Variants in PRADC1 observed in about 807,000 individuals in gnomAD.
The protein encoded by PRADC1 is protease associated domain containing 1, also known as protease-associated domain-containing protein 1.
In PRADC1, 23 loss-of-function variants were observed where a neutral mutation model predicts 22.9. That is an observed-to-expected ratio of 1.00 (90% CI 0.72 to 1.42). The LOEUF is 1.42. Among genes scored for constraint, PRADC1 ranks in the 40% most tolerant of loss-of-function variants. The pLI is 0.00. For synonymous variants in PRADC1, 71 were observed against 100.3 expected (o/e 0.71, Z 1.75); for missense variants, 207 against 258.3 (o/e 0.80, Z 1.36).
intron 1 of PRADC1, among the ~76,000 whole-genome samples, chr2:73,232,873 T>C (rs1231770652): frequency 6.6e-6 from 1 of 152,144 alleles, no homozygotes; most frequent in African/African-American, 2.4e-5. Context: ...TGGGGAGATC[T>C]GCTTTGTCGT....
chr2:73,231,362 A>C lies in PRADC1; in HGVS notation c.68-1149T>G, dbSNP rs542169891. Among the ~76,000 whole-genome samples the C allele has an allele frequency of 3.3e-5, 5 of 151,464 alleles. No homozygotes were observed. In the South Asian group the frequency reaches 1.0e-3, roughly 32 times the overall value. ...TCTCTATCTCCTGACCTCGTGATCC[A>C]CCCGCCTGGGCCTTCCAAAGTGCTG... On this transcript the variant is annotated intron_variant, in intron 1 of 4. Transcript: ENST00000258083.
intron 1 of PRADC1, among the ~76,000 whole-genome samples, chr2:73,232,210 G>A (rs1373305126): frequency 2.0e-5 from 3 of 151,964 alleles, no homozygotes; most frequent in Non-Finnish European, 2.9e-5. Flanking sequence ...GGTGGTGGGC[G>A]CCTGTAGTCC....
chr2:73,233,265 A>G (rs1194832911), upstream of PRADC1: 278 of 706,580 alleles, frequency 3.9e-4, no homozygotes, highest in Non-Finnish European at 2.7e-4. Context: ...CCGCCCACAT[A>G]CCCGCTCTCG....
intron 1 of PRADC1, among the ~76,000 whole-genome samples, 182 bp downstream of exon 1, chr2:73,232,912 T>A (rs529372612): frequency 6.6e-6 from 1 of 152,274 alleles, no homozygotes; most frequent in South Asian, 2.1e-4. Flanking sequence ...AGCTTCAGCC[T>A]CAGGCTGCGC....
At position 73,228,366 on chromosome 2, in the gene PRADC1, G is replaced by A; in HGVS notation, c.*88C>T. ...TACCTGGCTCCACTTGTCCCCAGAT[G>A]CTATCTCCAAATTCCAAGTAGCAAA... is the stretch of plus-strand genomic sequence containing the variant. On this transcript the variant is annotated 3_prime_UTR_variant, in exon 5 of 5. Coordinates refer to ENST00000258083, the MANE Select transcript of PRADC1 (RefSeq NM_032319.3). This position sits in a 1 kb window ranked among gnomAD's most constrained non-coding sequence, Gnocchi z 4.0. 6.5e-7 allele frequency: 1 copy of A among 1,534,686 alleles called. No homozygotes were observed. The highest frequency in any genetic ancestry group is 1.2e-5 in the South Asian group (1 of 84,934).
At chr2:73,231,268 C>T (rs559496464) in intron 1 of PRADC1, among the ~76,000 whole-genome samples, 70 of 151,470 alleles carry the variant, frequency 4.6e-4, no homozygotes, top group African/African-American at 1.7e-3. Flanking sequence ...TACAGGCGCC[C>T]GCCACCACGC....
intron 2 of PRADC1, 194 bp downstream of exon 2, chr2:73,229,919 T>C (rs1354285605): frequency 3.4e-6 from 2 of 594,520 alleles, no homozygotes; most frequent in Non-Finnish European, 3.0e-6. Context: ...TGTCCCTCCA[T>C]GGTGCCTAGG....
chr2:73,231,898 C>T (rs6727458), intron 1 of PRADC1, among the ~76,000 whole-genome samples: 10,673 of 152,268 alleles, frequency 0.07, 829 homozygotes, highest in African/African-American at 0.19. Flanking sequence ...TCTAGCTCCA[C>T]AGCACCGATG....
chr2:73,230,000 G>A (rs1686604449), intron 2 of PRADC1, 113 bp downstream of exon 2: 1 of 746,916 alleles, frequency 1.3e-6, no homozygotes, highest in South Asian at 1.6e-5. Flanking sequence ...AGGCAGAGCT[G>A]ATTCTGCTCC....
Position 73,228,535 on chromosome 2 carries a change from T to C in PRADC1, c.486A>G (p.Pro162=), listed in dbSNP as rs370092904. Reference sequence around the variant, plus strand: ...TGACTGGGATGGAAATGATGGCCCATGGCAGCCCATGCTGTTCCAGAGAGC... The same window carrying C: ...TGACTGGGATGGAAATGATGGCCCACGGCAGCCCATGCTGTTCCAGAGAGC... The part of the protein sequence containing the change: ...IRRSLEQHGL[P]WAIISIPVNV... The change falls in exon 5 of 5, where the codon CCA becomes CCG. Residue 162 remains proline, a synonymous_variant. Transcript: ENST00000258083. The surrounding 1 kb of genome is among the most constrained non-coding windows in gnomAD (Gnocchi z 4.0). 2.5e-6 allele frequency: 4 copies of C among 1,614,168 alleles called. No homozygotes were observed. Among genetic ancestry groups the C allele is most frequent in the Admixed American group, 1.7e-5 (1 of 60,026 alleles).
chr2:73,233,055 G>T, intron 1 of PRADC1, 39 bp downstream of exon 1: 3 of 1,523,756 alleles, frequency 2.0e-6, no homozygotes, highest in Non-Finnish European at 2.6e-6. Flanking sequence ...TGGACGGCCA[G>T]CCCCGCCCTG....
chr2:73,229,189 C>T (rs1406591568), intron 3 of PRADC1, among the ~76,000 whole-genome samples: 1 of 151,796 alleles, frequency 6.6e-6, no homozygotes, highest in Non-Finnish European at 1.5e-5. Flanking sequence ...GTGACGTGAT[C>T]TCGGCTCACT....
chr2:73,231,151 G>T (rs1437238360), intron 1 of PRADC1, among the ~76,000 whole-genome samples: 1 of 152,124 alleles, frequency 6.6e-6, no homozygotes, highest in Admixed American at 6.5e-5. Flanking sequence ...ACGGAGTCTC[G>T]CTCTGTCACC....
chr2:73,231,117 CTTTTCTTT>C (rs1360437134), intron 1 of PRADC1, among the ~76,000 whole-genome samples: 1 of 152,188 alleles, frequency 6.6e-6, no homozygotes, highest in Admixed American at 6.5e-5. Context: ...GCTTTCATAA[CTTTTCTTT>C]TTTTCTTTTT....
intron 1 of PRADC1, among the ~76,000 whole-genome samples, chr2:73,230,770 C>G (rs1342558760): frequency 6.6e-6 from 1 of 152,242 alleles, no homozygotes; most frequent in Non-Finnish European, 1.5e-5. Flanking sequence ...AAAATTTAAA[C>G]TCTTTTTAAA....
chr2:73,228,275 C>T lies in PRADC1; in HGVS notation c.*179G>A. 1 of 721,098 alleles carries T rather than the reference C, an allele frequency of 1.4e-6. No homozygotes were observed. Among genetic ancestry groups the T allele is most frequent in the South Asian group, 1.9e-5 (1 of 53,626 alleles). 44.7% of individuals were successfully genotyped at this position (721,098 alleles called of 1,614,324 possible). A position where few individuals can be genotyped will look rare whatever the true frequency, so the allele number is the denominator to read the frequency against. On this transcript the variant is annotated 3_prime_UTR_variant, in exon 5 of 5. Transcript: ENST00000258083. The surrounding 1 kb of genome is among the most constrained non-coding windows in gnomAD (Gnocchi z 4.0). ...GTAGCATGAGACACCCTTGGGGGCC[C>T]TGGGGAAGGGAAGGCCAGTGGTGTG...
chr2:73,229,127 TTTC>T (rs1218148526), intron 3 of PRADC1, among the ~76,000 whole-genome samples, 165 bp from the exon 4 acceptor site: 2 of 152,182 alleles, frequency 1.3e-5, no homozygotes, highest in African/African-American at 4.8e-5. Context: ...CTTTTTCCTT[TTTC>T]TTTTTTTTTG....
chr2:73,229,801 TC>T (rs1281076430), intron 2 of PRADC1: 1 of 588,926 alleles, frequency 1.7e-6, no homozygotes, highest in East Asian at 2.8e-5. Flanking sequence ...TGGTTGTAGA[TC>T]CAGAGAGAGG....
intron 3 of PRADC1, 124 bp downstream of exon 3, chr2:73,229,337 T>TAA: frequency 1.3e-6 from 1 of 768,842 alleles, no homozygotes; most frequent in South Asian, 1.6e-5. Context: ...AGGCTAGACA[T>TAA]TTCTTAAAGA....
Sources: gnomAD v4.1 joint callset for allele counts (sites outside exome capture counted in the v4.1 genomes callset) on GRCh38, gnomAD v4.1.1 for gene constraint, Gnocchi (gnomAD v3.1) non-coding constraint, MANE v1.5 for transcripts, NCBI Gene and HGNC (gene_info 2026-07-23, HGNC 2026-07-21) for gene names.